The following PTPRJ variants were observed in gnomAD, a reference collection of about 807,000 sequenced individuals.
PTPRJ encodes protein tyrosine phosphatase receptor type J.
A neutral mutation model predicts 141.3 loss-of-function variants in PTPRJ; 129 were observed. That is an observed-to-expected ratio of 0.91 (90% CI 0.79 to 1.06). PTPRJ has a LOEUF of 1.06. Ranked by LOEUF, PTPRJ falls within the 50% of genes least tolerant of loss-of-function variation. The pLI, the probability that PTPRJ is intolerant of heterozygous loss-of-function variation, is 0.00. For missense variants in PTPRJ, 1,601 were observed against 1,679.7 expected (o/e 0.95, Z 0.82); for synonymous variants, 610 against 640.5 (o/e 0.95, Z 0.72).
intron 1 of PTPRJ, among the ~76,000 whole-genome samples, chr11:48,000,221 G>A (rs575229267): frequency 4.7e-4 from 70 of 149,436 alleles, no homozygotes; most frequent in Admixed American, 2.5e-3. Flanking sequence ...GCTCATTGCA[G>A]CCTCAACTTC....
At chr11:47,990,896 G>A (rs1327024158) in intron 1 of PTPRJ, among the ~76,000 whole-genome samples, 3 of 151,802 alleles carry the variant, frequency 2.0e-5, no homozygotes, top group Admixed American at 2.0e-4. Flanking sequence ...AGCCAGGATG[G>A]TCTCAATCTC....
Position 48,144,783 on chromosome 11 carries a change from C to G in PTPRJ, c.2684C>G (p.Ser895Cys). The change falls in exon 13 of 25, where the codon TCT becomes TGT. Residue 895 changes from serine (S) to cysteine (C), a missense_variant. By Grantham distance (112) the Ser-to-Cys change is moderately radical. Coordinates refer to ENST00000418331, the MANE Select transcript of PTPRJ (RefSeq NM_002843.4). Reference protein sequence around the residue: ...YLIRTEEKGRSQSLSEVLKYE... With the variant: ...YLIRTEEKGRCQSLSEVLKYE... ...ATAAGAACAGAAGAAAAGGGACGTT[C>G]TCAGAGCTTGTCTGAAGTTTTGAAA... is the stretch of plus-strand genomic sequence containing the variant. 6.2e-7 allele frequency: 1 copy of G among 1,614,146 alleles called. No individual in the cohort carries two copies. Among genetic ancestry groups the G allele is most frequent in the Non-Finnish European group, 8.5e-7 (1 of 1,179,988 alleles).
chr11:48,141,158 C>T (rs914710111), intron 11 of PTPRJ, among the ~76,000 whole-genome samples: 3 of 151,984 alleles, frequency 2.0e-5, no homozygotes, highest in Non-Finnish European at 2.9e-5. Flanking sequence ...GGCAACATAG[C>T]GAGATCCCAT....
chr11:47,989,250 C>T (rs1425313100), intron 1 of PTPRJ, among the ~76,000 whole-genome samples: 1 of 150,158 alleles, frequency 6.7e-6, no homozygotes, highest in Non-Finnish European at 1.5e-5. Flanking sequence ...TTTGCCTCTG[C>T]TTCTTCTTCT....
chr11:48,093,497 T>C (rs1235295623), intron 1 of PTPRJ, among the ~76,000 whole-genome samples: 1 of 152,248 alleles, frequency 6.6e-6, no homozygotes. Context: ...GCTGTCTATT[T>C]AATGGAGATG....
Position 48,168,522 on chromosome 11 carries a change from G to A in PTPRJ, c.*1160G>A, listed in dbSNP as rs1199580213. 1.2e-5 allele frequency: 1 copy of A among 82,742 alleles called. No homozygotes were observed. Among genetic ancestry groups the A allele is most frequent in the Non-Finnish European group, 2.2e-5 (1 of 45,124 alleles). 5.1% of individuals were successfully genotyped at this position (82,742 alleles called of 1,614,324 possible). A position where few individuals can be genotyped will look rare whatever the true frequency, so the allele number is the denominator to read the frequency against. On this transcript the variant is annotated 3_prime_UTR_variant, in exon 25 of 25. Coordinates refer to ENST00000418331, the MANE Select transcript of PTPRJ (RefSeq NM_002843.4). ...GTCTCTCTCTGCCGTGACACATATC[G>A]GAATCTACTGTGTATATATATATAT...
At chr11:47,985,516 G>T (rs1854026278) in intron 1 of PTPRJ, among the ~76,000 whole-genome samples, 1 of 151,572 alleles carries the variant, frequency 6.6e-6, no homozygotes, top group Non-Finnish European at 1.5e-5. Context: ...TCTTCACAGA[G>T]AAATAAAAAA....
chr11:48,156,203 G>T lies in PTPRJ; in HGVS notation c.3438+84G>T. 3.2e-6 allele frequency: 4 copies of T among 1,254,674 alleles called. No individual in the cohort carries two copies. The South Asian group carries it at 6.3e-5, about 20-fold the overall frequency. The allele number at this position is 1,254,674 out of a possible 1,614,324, so 77.7% of individuals were successfully genotyped here. ...CAGAAGGGTATCTTAAAAACCATTT[G>T]TTTCTTTAAAAAAACTCAAACATTA... On this transcript the variant is annotated intron_variant, in intron 21 of 24. Coordinates refer to ENST00000418331, the MANE Select transcript of PTPRJ (RefSeq NM_002843.4).
chr11:48,058,903 C>T (rs1319742841), intron 1 of PTPRJ, among the ~76,000 whole-genome samples: 3 of 152,122 alleles, frequency 2.0e-5, no homozygotes. Flanking sequence ...GCCTCCTCTG[C>T]CCCCTCTGCA....
chr11:47,986,341 A>T (rs1228929658), intron 1 of PTPRJ, among the ~76,000 whole-genome samples: 2 of 152,110 alleles, frequency 1.3e-5, no homozygotes, highest in African/African-American at 4.8e-5. Context: ...GTGACTTCTC[A>T]TTTCCTTATC....
chr11:48,002,337 C>T (rs1854520758), intron 1 of PTPRJ, among the ~76,000 whole-genome samples: 1 of 151,914 alleles, frequency 6.6e-6, no homozygotes, highest in African/African-American at 2.4e-5. Context: ...GGGGTTTCAC[C>T]ATGTTGGCCA....
rs541914268 is a variant in PTPRJ, at chr11:48,106,855, G to A, written c.97-3203G>A. ...GCGATCTCAGCTCACTGCAACCTCC[G>A]TCTCCCCAGTTCAAGCAATTCTCCT... On this transcript the variant is annotated intron_variant, in intron 1 of 24. Transcript: ENST00000418331. 1.1e-3 allele frequency among the ~76,000 whole-genome samples: 151 copies of A among 140,116 alleles called. 1 individual carries two copies. Among genetic ancestry groups the A allele is most frequent in the African/African-American group, 3.9e-3 (145 of 36,974 alleles). 91.9% of individuals were successfully genotyped at this position (140,116 alleles called of 152,430 possible).
intron 1 of PTPRJ, among the ~76,000 whole-genome samples, chr11:48,003,688 G>A (rs1354212631): frequency 6.6e-6 from 1 of 152,110 alleles, no homozygotes; most frequent in African/African-American, 2.4e-5. Flanking sequence ...TAAAGATGGG[G>A]TTTCATCATG....
In PTPRJ at chr11:48,168,509, CGTGACA is replaced by C. The variant is rs1225836734; in HGVS notation, c.*1148_*1153del. On this transcript the variant is annotated 3_prime_UTR_variant, in exon 25 of 25. Coordinates refer to ENST00000418331, the MANE Select transcript of PTPRJ (RefSeq NM_002843.4). ...TCCACTGGCTTTCGTCTCTCTCTGC[CGTGACA>C]CATATCGGAATCTACTGTGTATATA... 36 of 124,156 alleles carry C rather than the reference CGTGACA, an allele frequency of 2.9e-4. 1 individual carries two copies. The highest frequency in any genetic ancestry group is 2.6e-4 in the Non-Finnish European group (16 of 60,880). The allele number at this position is 124,156 out of a possible 1,614,324, so 7.7% of individuals were successfully genotyped here.
rs1776616919 is a variant in PTPRJ, at chr11:47,980,632, G to A, written c.-281G>A. 2.0e-6 allele frequency: 2 copies of A among 983,964 alleles called. No individual in the cohort carries two copies. The highest frequency in any genetic ancestry group is 2.4e-6 in the Non-Finnish European group (2 of 829,958). 61.0% of individuals were successfully genotyped at this position (983,964 alleles called of 1,614,324 possible). ...AGCCGGGACCGGGTAGCCGCGCGCT[G>A]GGGGTGGGCGCCGCTCGCTCCGCCC... On this transcript the variant is annotated 5_prime_UTR_variant, in exon 1 of 25. An upstream open reading frame in the 5' UTR gains an earlier in-frame stop. Transcript: ENST00000418331.
At chr11:47,981,033 G>T (rs2135452957) in intron 1 of PTPRJ, 25 bp downstream of exon 1, 3 of 1,212,038 alleles carry the variant, frequency 2.5e-6, no homozygotes, top group South Asian at 8.3e-5. Flanking sequence ...GGCTCGGGCG[G>T]GGGGCAGGAG....
chr11:48,136,324 G>C, intron 9 of PTPRJ, 28 bp downstream of exon 9: 1 of 1,604,628 alleles, frequency 6.2e-7, no homozygotes, highest in Non-Finnish European at 8.5e-7. Context: ...CCCTTCTAAG[G>C]AACAGCCTCT....
In PTPRJ at chr11:48,125,076, C is replaced by T. The variant is rs959061975; in HGVS notation, c.983C>T (p.Thr328Met). The T allele has an allele frequency of 5.6e-6, 9 of 1,614,102 alleles. No individual in the cohort carries two copies. The highest frequency in any genetic ancestry group is 2.7e-5 in the African/African-American group (2 of 75,032). ...DPSSGQQSRD[T>M]EVLLVGLEPG... Reference sequence around the variant, plus strand: ...TCCTCCGGCCAGCAGTCCCGAGACACGGAAGTCCTGCTTGTCGGGTTAGAG... The same window carrying T: ...TCCTCCGGCCAGCAGTCCCGAGACATGGAAGTCCTGCTTGTCGGGTTAGAG... Residue 328 changes from threonine (T) to methionine (M), a missense_variant, in exon 6 of 25, where the codon ACG becomes ATG. By Grantham distance (81) the Thr-to-Met change is moderately conservative. Coordinates refer to ENST00000418331, the MANE Select transcript of PTPRJ (RefSeq NM_002843.4).
intron 3 of PTPRJ, among the ~76,000 whole-genome samples, chr11:48,118,723 C>G (rs888472092): frequency 2.0e-5 from 3 of 152,188 alleles, no homozygotes; most frequent in African/African-American, 2.4e-5. Context: ...TCAGTAGATG[C>G]AGAAAAAACA....
Sources: gnomAD v4.1 joint callset for allele counts (sites outside exome capture counted in the v4.1 genomes callset) on GRCh38, gnomAD v4.1.1 for gene constraint, MANE v1.5 for transcripts, NCBI Gene and HGNC (gene_info 2026-07-23, HGNC 2026-07-21) for gene names.